ZNF343: variants seen among roughly 807,000 people sequenced by gnomAD.
The protein encoded by ZNF343 is zinc finger protein 343.
A neutral mutation model predicts 13.8 loss-of-function variants in ZNF343; 11 were observed. The ratio of observed to expected loss-of-function variants is 0.80; its 90% CI spans 0.50 to 1.32. The LOEUF is 1.32. ZNF343 is among the 40% of genes most tolerant of loss of function. ZNF343 has a pLI of 0.00. For synonymous variants in ZNF343, 248 were observed against 260.0 expected (o/e 0.95, Z 0.44); for missense variants, 658 against 714.2 (o/e 0.92, Z 0.90).
In ZNF343 at chr20:2,508,060, G is replaced by A. The variant is rs540454917; in HGVS notation, c.-237+821C>T. Among the ~76,000 whole-genome samples, 5 of 151,980 alleles carry A rather than the reference G, an allele frequency of 3.3e-5. No homozygotes were observed. Among genetic ancestry groups the A allele is most frequent in the Non-Finnish European group, 5.9e-5 (4 of 67,972 alleles). On this transcript the variant is annotated intron_variant, in intron 1 of 5. Transcript: ENST00000278772. This position sits in a 1 kb window ranked among gnomAD's most constrained non-coding sequence, Gnocchi z 4.5. ...AGGAACTTTGCCACAAAGCACAGGG[G>A]GCACCTCCCACATGACACACCTTGA... is the stretch of plus-strand genomic sequence containing the variant.
intron 2 of ZNF343, among the ~76,000 whole-genome samples, 163 bp downstream of exon 2, chr20:2,500,493 T>A (rs1489066723): frequency 6.6e-6 from 1 of 152,166 alleles, no homozygotes; most frequent in African/African-American, 2.4e-5. Flanking sequence ...CCTGTGGAGA[T>A]CCTTGCCCTT....
Position 2,484,438 on chromosome 20 carries a change from C to T in ZNF343, c.523G>A (p.Gly175Ser), listed in dbSNP as rs1237482199. The stretch of plus-strand genomic sequence containing the variant: ...CTTGCAGACCAGGGTTTGGAGCCAC[C>T]TCCTCTCTCCTGACCTTCTGCATTT... Reference protein sequence around the residue: ...FENAEGQERGGGSKPWSARTE... With the variant: ...FENAEGQERGSGSKPWSARTE... The change falls in exon 6 of 6, where the codon GGT becomes AGT. Residue 175 changes from glycine (G) to serine (S), a missense_variant. Coordinates refer to ENST00000278772, the MANE Select transcript of ZNF343 (RefSeq NM_024325.6). 3.1e-6 allele frequency: 5 copies of T among 1,614,194 alleles called. No homozygotes were observed. Among genetic ancestry groups the T allele is most frequent in the Non-Finnish European group, 4.2e-6 (5 of 1,180,030 alleles).
At chr20:2,486,117 C>T (rs2085277157) in intron 5 of ZNF343, among the ~76,000 whole-genome samples, 1 of 152,170 alleles carries the variant, frequency 6.6e-6, no homozygotes, top group Non-Finnish European at 1.5e-5. Flanking sequence ...ATTCAGACTG[C>T]AGTCTGAATA....
chr20:2,507,068 C>A (rs1244643943), intron 1 of ZNF343, among the ~76,000 whole-genome samples: 1 of 151,898 alleles, frequency 6.6e-6, no homozygotes. Flanking sequence ...AGTTCGAGAC[C>A]AGCCTGACCA....
At chr20:2,491,502 A>T (rs1399323838) in intron 5 of ZNF343, among the ~76,000 whole-genome samples, 24 of 152,206 alleles carry the variant, frequency 1.6e-4, no homozygotes. Context: ...GACTACCCAC[A>T]AGCTAAATCC....
chr20:2,516,405 G>C (rs2085759659), intron 1 of ZNF343, among the ~76,000 whole-genome samples: 2 of 152,090 alleles, frequency 1.3e-5, no homozygotes, highest in Admixed American at 1.3e-4. Context: ...GTTAATGTCA[G>C]GCTGAGGGTG....
rs2085189475 is a variant in ZNF343 at position 2,482,930 on chromosome 20, T to C, written c.*231A>G. The C allele has an allele frequency of 5.5e-6, 3 of 547,914 alleles. No homozygotes were observed. The East Asian group carries it at 8.8e-5, about 16-fold the overall frequency. The allele number at this position is 547,914 out of a possible 1,614,324, so 33.9% of individuals were successfully genotyped here. A position where few individuals can be genotyped will look rare whatever the true frequency, so the allele number is the denominator to read the frequency against. ...AACTTCTCTCCTAAGTGTGTCCTTT[T>C]GTGCATGCTCAAGGCTGACTGATGG... On this transcript the variant is annotated 3_prime_UTR_variant, in exon 6 of 6. Transcript: ENST00000278772.
upstream of ZNF343, among the ~76,000 whole-genome samples, chr20:2,513,733 T>C (rs921849280): frequency 6.6e-6 from 1 of 152,258 alleles, no homozygotes; most frequent in Non-Finnish European, 1.5e-5. Context: ...ACAATCCGAA[T>C]GTTCATCAGT....
At chr20:2,498,186 G>A (rs1261919938) in intron 2 of ZNF343, among the ~76,000 whole-genome samples, 1 of 152,114 alleles carries the variant, frequency 6.6e-6, no homozygotes, top group Non-Finnish European at 1.5e-5. Flanking sequence ...GAGAAGCCCT[G>A]TCTCCTCTAA....
intron 1 of ZNF343, among the ~76,000 whole-genome samples, chr20:2,522,645 T>G (rs2085787513): frequency 6.6e-6 from 1 of 152,248 alleles, no homozygotes; most frequent in Admixed American, 6.5e-5. Flanking sequence ...AATAAGAAGT[T>G]ACTTTTAAGA....
chr20:2,522,957 C>A (rs1370861692), intron 1 of ZNF343, among the ~76,000 whole-genome samples: 1 of 152,162 alleles, frequency 6.6e-6, no homozygotes, highest in Non-Finnish European at 1.5e-5. Flanking sequence ...AGGCTGAGAT[C>A]TACTAGGCTG....
intron 1 of ZNF343, among the ~76,000 whole-genome samples, chr20:2,503,226 T>C (rs1334923349): frequency 6.6e-6 from 1 of 152,154 alleles, no homozygotes; most frequent in Non-Finnish European, 1.5e-5. Context: ...CATTACATAA[T>C]GGTAAATGGA....
Position 2,482,260 on chromosome 20 carries a change from G to A in ZNF343, c.*901C>T, listed in dbSNP as rs185566408. The A allele has an allele frequency of 1.8e-4, 27 of 148,470 alleles. No individual in the cohort carries two copies. Among genetic ancestry groups the A allele is most frequent in the African/African-American group, 5.9e-4 (24 of 40,518 alleles). 9.2% of individuals were successfully genotyped at this position (148,470 alleles called of 1,614,324 possible). On this transcript the variant is annotated 3_prime_UTR_variant, in exon 6 of 6. Coordinates refer to ENST00000278772, the MANE Select transcript of ZNF343 (RefSeq NM_024325.6). Reference sequence around the variant, plus strand: ...TTCAATATACTCTGGGGCTTACTGCGGGGTGACTCATGGCTGAAGCCTTAT... The same window carrying A: ...TTCAATATACTCTGGGGCTTACTGCAGGGTGACTCATGGCTGAAGCCTTAT...
At chr20:2,510,471 T>A (rs1044753825), upstream of ZNF343, among the ~76,000 whole-genome samples, 3 of 152,248 alleles carry the variant, frequency 2.0e-5, no homozygotes, top group African/African-American at 7.2e-5. Context: ...CCTCCTTCCA[T>A]CTTCTTATTT....
At position 2,508,353 on chromosome 20, in the gene ZNF343, G is replaced by A. The variant is rs1333660785; in HGVS notation, c.-237+528C>T. On this transcript the variant is annotated intron_variant, in intron 1 of 5. Transcript: ENST00000278772. The surrounding 1 kb of genome is among the most constrained non-coding windows in gnomAD (Gnocchi z 4.5). ...GAGACGGCCTCCCCCTAACCACCCC[G>A]GTCACCACTCGGGACATATCCAGCC... Among the ~76,000 whole-genome samples the A allele has an allele frequency of 6.7e-6, 1 of 149,876 alleles. No individual in the cohort carries two copies. Among genetic ancestry groups the A allele is most frequent in the Non-Finnish European group, 1.5e-5 (1 of 67,742 alleles).
In ZNF343 at chr20:2,494,017, G is replaced by A; in HGVS notation, c.-122C>T. ...CTTCTTCCAACCTTAATTATAAAAAGCCCAGCTTGTTTCCCTGCAGCCAGG... is the reference window on the plus strand; with the variant it reads ...CTTCTTCCAACCTTAATTATAAAAAACCCAGCTTGTTTCCCTGCAGCCAGG... On this transcript the variant is annotated 5_prime_UTR_variant, in exon 3 of 6. Transcript: ENST00000278772. 1.4e-6 allele frequency: 1 copy of A among 736,866 alleles called. No individual in the cohort carries two copies. Among genetic ancestry groups the A allele is most frequent in the Non-Finnish European group, 2.3e-6 (1 of 427,184 alleles). 45.6% of individuals were successfully genotyped at this position (736,866 alleles called of 1,614,324 possible). A position where few individuals can be genotyped will look rare whatever the true frequency, so the allele number is the denominator to read the frequency against.
intron 5 of ZNF343, among the ~76,000 whole-genome samples, chr20:2,488,063 T>C (rs2085309593): frequency 6.6e-6 from 1 of 152,250 alleles, no homozygotes; most frequent in South Asian, 2.1e-4. Flanking sequence ...AATAACTCTT[T>C]ATATGTGATA....
At chr20:2,521,829 G>A (rs74733065) in intron 1 of ZNF343, among the ~76,000 whole-genome samples, 1 of 152,198 alleles carries the variant, frequency 6.6e-6, no homozygotes, top group Admixed American at 6.5e-5. Context: ...GGACATAGAC[G>A]TGGGTGGTCG....
At chr20:2,522,164 G>A (rs1390632277) in intron 1 of ZNF343, among the ~76,000 whole-genome samples, 8 of 152,284 alleles carry the variant, frequency 5.3e-5, no homozygotes, top group African/African-American at 1.9e-4. Context: ...TAAAATGAAT[G>A]AGTAATTTTG....
Sources: allele counts gnomAD v4.1 joint callset (sites outside exome capture counted in the v4.1 genomes callset), GRCh38; gene constraint gnomAD v4.1.1; non-coding constraint Gnocchi (gnomAD v3.1); transcripts MANE v1.5; gene names NCBI Gene and HGNC (gene_info 2026-07-23, HGNC 2026-07-21).